The following PKNOX2 variants were observed in gnomAD, a reference collection of about 807,000 sequenced individuals.
PKNOX2 encodes the protein homeobox protein PKNOX2.
A neutral mutation model predicts 53.1 loss-of-function variants in PKNOX2; 14 were observed. The ratio of observed to expected loss-of-function variants is 0.26; its 90% confidence interval spans 0.17 to 0.41. PKNOX2 has a LOEUF of 0.41. PKNOX2 is among the 10% of genes least tolerant of loss of function. The probability of loss-of-function intolerance (pLI) is 1.00; values close to 1 mark genes in which losing one functional copy is unlikely to be tolerated. For missense variants in PKNOX2, 496 were observed against 602.8 expected (o/e 0.82, Z 1.85); for synonymous variants, 257 against 242.8 (o/e 1.06, Z -0.54).
At chr11:125,399,043 G>T (rs1954581658) in intron 7 of PKNOX2, among the ~76,000 whole-genome samples, 1 of 152,250 alleles carries the variant, frequency 6.6e-6, no homozygotes, top group Admixed American at 6.5e-5. Flanking sequence ...CAGATTGGTG[G>T]AGTCAGGGGA....
At chr11:125,241,594 C>A (rs766235287) in intron 2 of PKNOX2, among the ~76,000 whole-genome samples, 1 of 152,226 alleles carries the variant, frequency 6.6e-6, no homozygotes, top group Non-Finnish European at 1.5e-5. Context: ...CGGTGGCTCA[C>A]GCCTGTAATC....
intron 3 of PKNOX2, among the ~76,000 whole-genome samples, chr11:125,339,926 T>C (rs536053260): frequency 6.6e-6 from 1 of 152,330 alleles, no homozygotes; most frequent in East Asian, 1.9e-4. Context: ...GTCCAATGAG[T>C]CCACGATGAA....
At chr11:125,229,983 AC>A (rs1942063695) in intron 1 of PKNOX2, among the ~76,000 whole-genome samples, 1 of 152,120 alleles carries the variant, frequency 6.6e-6, no homozygotes, top group Admixed American at 6.5e-5. Flanking sequence ...ATTAAGGTTA[AC>A]CCACCACTGC....
chr11:125,248,196 T>C (rs1227917694), intron 2 of PKNOX2, among the ~76,000 whole-genome samples: 3 of 152,226 alleles, frequency 2.0e-5, no homozygotes, highest in Non-Finnish European at 4.4e-5. Flanking sequence ...GGGAGGTGTC[T>C]GGGTTTTTCT....
intron 1 of PKNOX2, among the ~76,000 whole-genome samples, chr11:125,201,820 T>G (rs1423799121): frequency 6.6e-6 from 1 of 152,204 alleles, no homozygotes; most frequent in Non-Finnish European, 1.5e-5. Context: ...TTTAGTTTCT[T>G]TCCTGCTGGG....
At chr11:125,172,933 GT>G (rs1206943996) in intron 1 of PKNOX2, among the ~76,000 whole-genome samples, 1 of 152,186 alleles carries the variant, frequency 6.6e-6, no homozygotes, top group East Asian at 1.9e-4. Context: ...AGCAATTTCA[GT>G]CTGAAAACTC....
chr11:125,205,007 C>G (rs1234776396), intron 1 of PKNOX2, among the ~76,000 whole-genome samples: 1 of 152,212 alleles, frequency 6.6e-6, no homozygotes, highest in East Asian at 1.9e-4. Context: ...GTTGTTGACC[C>G]TTGGAAGGTA....
chr11:125,387,407 C>G (rs574936273), intron 6 of PKNOX2, among the ~76,000 whole-genome samples: 1 of 152,266 alleles, frequency 6.6e-6, no homozygotes, highest in Non-Finnish European at 1.5e-5. Flanking sequence ...TCTGGGGGAA[C>G]AAATTTCTCA....
intron 2 of PKNOX2, among the ~76,000 whole-genome samples, chr11:125,286,533 C>G (rs543504160): frequency 6.6e-6 from 1 of 152,336 alleles, no homozygotes; most frequent in Admixed American, 6.5e-5. Flanking sequence ...CCTCTGTCCA[C>G]CCCCTTGGCC....
intron 1 of PKNOX2, among the ~76,000 whole-genome samples, chr11:125,232,989 A>C (rs887901295): frequency 1.3e-5 from 2 of 152,092 alleles, no homozygotes; most frequent in African/African-American, 2.4e-5. Flanking sequence ...GTGGGTTTGC[A>C]CGTGGACGTA....
chr11:125,365,213 G>A (rs1263702579), intron 4 of PKNOX2, among the ~76,000 whole-genome samples: 1 of 151,986 alleles, frequency 6.6e-6, no homozygotes, highest in Non-Finnish European at 1.5e-5. Flanking sequence ...ATACAATGAA[G>A]TACCGAACCC....
chr11:125,311,646 G>A (rs1444022326), intron 2 of PKNOX2, among the ~76,000 whole-genome samples: 1 of 152,226 alleles, frequency 6.6e-6, no homozygotes, highest in Non-Finnish European at 1.5e-5. Context: ...AAAGATGCAA[G>A]ATGGTGTTTG....
chr11:125,405,499 A>AC (rs113387620), intron 7 of PKNOX2, among the ~76,000 whole-genome samples: 30,776 of 151,894 alleles, frequency 0.2, 3,302 homozygotes, highest in Middle Eastern at 0.29. Context: ...GGGCCCCTGC[A>AC]CCCCCCACTT....
intron 2 of PKNOX2, among the ~76,000 whole-genome samples, chr11:125,265,124 T>TA (rs1283551422): frequency 1.3e-5 from 2 of 151,892 alleles, no homozygotes; most frequent in Admixed American, 6.6e-5. Flanking sequence ...CCATCTCTAC[T>TA]AAAAATACAA....
chr11:125,204,688 C>T (rs1055628218), intron 1 of PKNOX2, among the ~76,000 whole-genome samples: 13 of 152,178 alleles, frequency 8.5e-5, no homozygotes, highest in Non-Finnish European at 1.8e-4. Flanking sequence ...GCCACATTCC[C>T]GGTCAGAGAC....
chr11:125,364,345 C>T (rs1467392927), intron 4 of PKNOX2, among the ~76,000 whole-genome samples: 1 of 152,258 alleles, frequency 6.6e-6, no homozygotes, highest in Non-Finnish European at 1.5e-5. Context: ...CTGCTGTCTT[C>T]TTTACATACT....
At chr11:125,297,923 C>T (rs1481052136) in intron 2 of PKNOX2, among the ~76,000 whole-genome samples, 1 of 152,152 alleles carries the variant, frequency 6.6e-6, no homozygotes, top group East Asian at 1.9e-4. Context: ...CAAACCATAA[C>T]CCTTCTGAGG....
At chr11:125,339,711 C>G (rs1265688519) in intron 3 of PKNOX2, among the ~76,000 whole-genome samples, 1 of 152,198 alleles carries the variant, frequency 6.6e-6, no homozygotes, top group East Asian at 1.9e-4. Flanking sequence ...GAGCCCTGGC[C>G]CCAGAGCCGC....
intron 2 of PKNOX2, chr11:125,266,823 C>G (rs1398227920): frequency 1.3e-5 from 2 of 152,174 alleles, no homozygotes; most frequent in African/African-American, 4.8e-5. Context: ...TACTTCCCAC[C>G]CAGGTTCTAA....
Sources: gnomAD v4.1 joint callset for allele counts (sites outside exome capture counted in the v4.1 genomes callset) on GRCh38, gnomAD v4.1.1 for gene constraint, MANE v1.5 for transcripts, NCBI Gene and HGNC (gene_info 2026-07-23, HGNC 2026-07-21) for gene names.